WWC1: variants seen among roughly 807,000 people sequenced by gnomAD.
WWC1 encodes WW and C2 domain containing 1, also known as protein KIBRA.
Under a neutral mutation model 138.4 loss-of-function variants are expected in WWC1, and 55 were observed. The observed-to-expected ratio is 0.40, with a 90% CI of 0.32 to 0.50. The LOEUF is 0.50. Among genes scored for constraint, WWC1 ranks in the 20% least tolerant of loss-of-function variants. The pLI, the probability that WWC1 is intolerant of heterozygous loss-of-function variation, is 0.72. For synonymous variants in WWC1, 524 were observed against 564.9 expected (o/e 0.93, Z 1.03); for missense variants, 1,226 against 1,420.4 (o/e 0.86, Z 2.20).
intron 15 of WWC1, among the ~76,000 whole-genome samples, chr5:168,434,881 G>A (rs190642947): frequency 3.3e-5 from 5 of 152,218 alleles, no homozygotes; most frequent in South Asian, 2.1e-4. Flanking sequence ...CCCCACTGAC[G>A]TCCCATGGTT....
intron 17 of WWC1, among the ~76,000 whole-genome samples, chr5:168,449,319 A>C (rs1755582366): frequency 6.6e-6 from 1 of 152,206 alleles, no homozygotes; most frequent in Non-Finnish European, 1.5e-5. Flanking sequence ...ATGGTTGAGC[A>C]CTTAGTGGAT....
rs11430085 is a variant in WWC1 at position 168,442,439 on chromosome 5, CA to C, written c.2433+623del. On this transcript the variant is annotated intron_variant, in intron 16 of 22. Coordinates refer to ENST00000265293, the MANE Select transcript of WWC1 (RefSeq NM_015238.3). ...GCAACATGGTGAGGCCTTGTCTCTA[CA>C]AAAAAAAAAAAAAAAAATTTAATTA... Among the ~76,000 whole-genome samples, 124 of 97,232 alleles carry C rather than the reference CA, an allele frequency of 1.3e-3. No individual in the cohort carries two copies. The South Asian group carries it at 0.021, about 17-fold the overall frequency. The allele number at this position is 97,232 out of a possible 152,430, so 63.8% of individuals were successfully genotyped here. A position where few individuals can be genotyped will look rare whatever the true frequency, so the allele number is the denominator to read the frequency against.
chr5:168,350,548 C>G (rs2152787717), intron 1 of WWC1, among the ~76,000 whole-genome samples: 1 of 152,276 alleles, frequency 6.6e-6, no homozygotes, highest in East Asian at 1.9e-4. Flanking sequence ...GAGCATGCCT[C>G]TTCTGGACTG....
chr5:168,407,856 G>A (rs1350449340), intron 6 of WWC1, among the ~76,000 whole-genome samples: 1 of 151,196 alleles, frequency 6.6e-6, no homozygotes, highest in Non-Finnish European at 1.5e-5. Flanking sequence ...TAGGACCTGC[G>A]ATTCTTCCCC....
At chr5:168,403,879 C>G (rs1041912805) in intron 5 of WWC1, among the ~76,000 whole-genome samples, 7 of 145,634 alleles carry the variant, frequency 4.8e-5, no homozygotes, top group African/African-American at 1.4e-4. Context: ...CATACACACA[C>G]ACACACACAC....
chr5:168,352,127 T>C (rs1775013752), intron 1 of WWC1, among the ~76,000 whole-genome samples: 1 of 152,208 alleles, frequency 6.6e-6, no homozygotes, highest in Non-Finnish European at 1.5e-5. Flanking sequence ...AAGAGCTCAA[T>C]TAACATTAAC....
intron 11 of WWC1, among the ~76,000 whole-genome samples, chr5:168,427,113 T>C (rs531237454): frequency 6.6e-6 from 1 of 152,320 alleles, no homozygotes; most frequent in East Asian, 1.9e-4. Context: ...CTCCCTTCTC[T>C]GTCCTGAGGG....
At chr5:168,439,262 A>G (rs756605667) in intron 15 of WWC1, among the ~76,000 whole-genome samples, 6 of 152,120 alleles carry the variant, frequency 3.9e-5, no homozygotes, top group Non-Finnish European at 8.8e-5. Context: ...ATGACTATAT[A>G]ATATTCCATT....
At chr5:168,334,338 C>G (rs751796514) in intron 1 of WWC1, among the ~76,000 whole-genome samples, 20 of 152,188 alleles carry the variant, frequency 1.3e-4, no homozygotes, top group Non-Finnish European at 2.5e-4. Context: ...TCCTGTTTCT[C>G]TGCCCCACCC....
intron 20 of WWC1, among the ~76,000 whole-genome samples, chr5:168,463,554 C>T (rs1430020620): frequency 2.6e-5 from 4 of 152,190 alleles, no homozygotes; most frequent in South Asian, 4.1e-4. Context: ...TGTATATTAG[C>T]AATGGGATTT....
chr5:168,471,844 G>A lies in WWC1; in HGVS notation c.*2827G>A, dbSNP rs1248188374. 6.6e-6 allele frequency: 1 copy of A among 152,314 alleles called. No individual in the cohort carries two copies. Among genetic ancestry groups the A allele is most frequent in the African/African-American group, 2.4e-5 (1 of 41,474 alleles). 9.4% of individuals were successfully genotyped at this position (152,314 alleles called of 1,614,324 possible). On this transcript the variant is annotated 3_prime_UTR_variant, in exon 23 of 23. Coordinates refer to ENST00000265293, the MANE Select transcript of WWC1 (RefSeq NM_015238.3). ...CAAGAGATGGAGACAGAATGGGGGT[G>A]TCCTGGGGATCTTGGAGCCTGAATT...
intron 12 of WWC1, among the ~76,000 whole-genome samples, chr5:168,428,492 G>A (rs141316186): frequency 6.6e-6 from 1 of 152,252 alleles, no homozygotes; most frequent in Non-Finnish European, 1.5e-5. Context: ...GGCTTCAGTG[G>A]GAGGATCACT....
At chr5:168,458,131 T>C in intron 19 of WWC1, among the ~76,000 whole-genome samples, 1 of 152,160 alleles carries the variant, frequency 6.6e-6, no homozygotes, top group East Asian at 1.9e-4. Flanking sequence ...CAGGATGGGA[T>C]TTCAAATGCT....
intron 3 of WWC1, among the ~76,000 whole-genome samples, chr5:168,386,192 C>G (rs1778031669): frequency 1.3e-5 from 2 of 152,188 alleles, no homozygotes; most frequent in South Asian, 4.1e-4. Flanking sequence ...TCAGAAGCCT[C>G]TCTTCCTCAA....
At chr5:168,417,598 G>A (rs775828407) in intron 9 of WWC1, among the ~76,000 whole-genome samples, 1 of 152,098 alleles carries the variant, frequency 6.6e-6, no homozygotes, top group Non-Finnish European at 1.5e-5. Context: ...TAGGATGCTC[G>A]CCACTCAGAA....
intron 1 of WWC1, among the ~76,000 whole-genome samples, chr5:168,345,524 C>T (rs1050661174): frequency 6.6e-6 from 1 of 152,192 alleles, no homozygotes. Context: ...TTCAACATGA[C>T]ATTCACAAAC....
rs767445399 is a variant in WWC1 at position 168,465,438 on chromosome 5, G to A, written c.3150+476G>A. On this transcript the variant is annotated intron_variant, in intron 21 of 22. Coordinates refer to ENST00000265293, the MANE Select transcript of WWC1 (RefSeq NM_015238.3). ...ACAAGGATGCCCTGGAGTACAAGTC[G>A]GCTGGCACCTCTGCCCTGCTATAAT... 4.7e-5 allele frequency among the ~76,000 whole-genome samples: 7 copies of A among 149,314 alleles called. No individual in the cohort carries two copies. In the South Asian group the frequency reaches 8.5e-4, roughly 18 times the overall value.
chr5:168,391,728 C>G (rs1425142185), intron 3 of WWC1, among the ~76,000 whole-genome samples: 1 of 74,236 alleles, frequency 1.3e-5, no homozygotes, highest in African/African-American at 6.2e-5. Context: ...CACTGCAAAA[C>G]TAGGAGTATC....
intron 6 of WWC1, 86 bp downstream of exon 6, chr5:168,406,413 T>G (rs1179108951): frequency 1.3e-6 from 2 of 1,563,364 alleles, no homozygotes; most frequent in East Asian, 4.6e-5. Flanking sequence ...TATTTCCACG[T>G]GGTACACACA....
Sources: gnomAD v4.1 joint callset for allele counts (sites outside exome capture counted in the v4.1 genomes callset) on GRCh38, gnomAD v4.1.1 for gene constraint, MANE v1.5 for transcripts, NCBI Gene and HGNC (gene_info 2026-07-23, HGNC 2026-07-21) for gene names.